SORCS3: variants seen among roughly 807,000 people sequenced by gnomAD.
The protein encoded by SORCS3 is VPS10 domain-containing receptor SorCS3.
In SORCS3, 57 loss-of-function variants were observed where a neutral mutation model predicts 146.3. The ratio of observed to expected loss-of-function variants is 0.39; its 90% CI spans 0.31 to 0.49. The LOEUF (loss-of-function observed/expected upper bound fraction) is 0.49, where lower values mean the gene tolerates loss of function less well. SORCS3 is among the 20% of genes least tolerant of loss of function. The pLI is 0.92. For missense variants in SORCS3, 1,341 were observed against 1,575.5 expected (o/e 0.85, Z 2.52); for synonymous variants, 653 against 618.5 (o/e 1.06, Z -0.83).
At chr10:104,739,665 A>G (rs1565416) in intron 1 of SORCS3, among the ~76,000 whole-genome samples, 121,568 of 152,158 alleles carry the variant, frequency 0.8, 48,816 homozygotes, top group East Asian at 0.94. Flanking sequence ...CTTAAATTGA[A>G]GTCCTCTCCT....
At chr10:104,716,035 G>C (rs1201101896) in intron 1 of SORCS3, among the ~76,000 whole-genome samples, 1 of 152,152 alleles carries the variant, frequency 6.6e-6, no homozygotes, top group Non-Finnish European at 1.5e-5. Context: ...AGCTCTTGCA[G>C]TGGAGTTCCC....
At chr10:105,070,567 G>C (rs899834016) in intron 5 of SORCS3, among the ~76,000 whole-genome samples, 1 of 152,140 alleles carries the variant, frequency 6.6e-6, no homozygotes, top group Non-Finnish European at 1.5e-5. Flanking sequence ...TCTTTCAATG[G>C]AACCAATGTC....
intron 1 of SORCS3, among the ~76,000 whole-genome samples, chr10:104,755,000 AG>A (rs2017031802): frequency 6.6e-6 from 1 of 152,210 alleles, no homozygotes; most frequent in African/African-American, 2.4e-5. Context: ...AAATTAGAAA[AG>A]GTGCAATTGA....
At chr10:105,164,721 C>T (rs1232895625) in intron 12 of SORCS3, among the ~76,000 whole-genome samples, 2 of 152,110 alleles carry the variant, frequency 1.3e-5, no homozygotes, top group Non-Finnish European at 1.5e-5. Context: ...GAGTTCTTGG[C>T]AAGCTGGTCT....
intron 8 of SORCS3, among the ~76,000 whole-genome samples, chr10:105,144,587 G>A (rs77130761): frequency 1.3e-3 from 197 of 152,216 alleles, no homozygotes; most frequent in African/African-American, 4.6e-3. Flanking sequence ...GACATGGAAT[G>A]TTATTTATAA....
At chr10:104,941,088 A>G (rs1448547667) in intron 3 of SORCS3, among the ~76,000 whole-genome samples, 1 of 152,228 alleles carries the variant, frequency 6.6e-6, no homozygotes, top group Non-Finnish European at 1.5e-5. Context: ...ATGCTAATGC[A>G]TTATAATTAG....
At chr10:105,116,841 A>C (rs1970103) in intron 7 of SORCS3, among the ~76,000 whole-genome samples, 73,561 of 151,884 alleles carry the variant, frequency 0.48, 18,354 homozygotes, top group Non-Finnish European at 0.54. Flanking sequence ...CTTTGAGTAC[A>C]TATGGACACA....
chr10:104,973,686 T>C (rs886469810), intron 3 of SORCS3, among the ~76,000 whole-genome samples: 1 of 151,232 alleles, frequency 6.6e-6, no homozygotes, highest in African/African-American at 2.5e-5. Flanking sequence ...TTTTCCTGTC[T>C]CTGTTTCCTT....
chr10:105,079,462 A>G (rs2133732771), intron 5 of SORCS3, among the ~76,000 whole-genome samples: 2 of 152,288 alleles, frequency 1.3e-5, no homozygotes, highest in Admixed American at 1.3e-4. Context: ...AGGAGGAGAA[A>G]GTTTGTGATG....
chr10:104,676,690 G>A (rs1365109063), intron 1 of SORCS3, among the ~76,000 whole-genome samples: 1 of 152,170 alleles, frequency 6.6e-6, no homozygotes, highest in Non-Finnish European at 1.5e-5. Flanking sequence ...AGTAAACAAA[G>A]GGGAAGATTT....
intron 4 of SORCS3, among the ~76,000 whole-genome samples, chr10:105,018,376 G>A (rs2055180295): frequency 6.6e-6 from 1 of 152,118 alleles, no homozygotes; most frequent in African/African-American, 2.4e-5. Context: ...TAATGGCCAA[G>A]GCCACTGCAG....
At chr10:105,122,527 A>G (rs1343387300) in intron 7 of SORCS3, among the ~76,000 whole-genome samples, 1 of 152,196 alleles carries the variant, frequency 6.6e-6, no homozygotes, top group Non-Finnish European at 1.5e-5. Flanking sequence ...TGATTCATTC[A>G]TTCATCCATT....
intron 1 of SORCS3, among the ~76,000 whole-genome samples, chr10:104,685,316 C>T (rs985941281): frequency 6.6e-6 from 1 of 152,102 alleles, no homozygotes; most frequent in Non-Finnish European, 1.5e-5. Context: ...ACTGGTCACC[C>T]TGGGTTGCTT....
chr10:104,820,696 A>T (rs982579852), intron 1 of SORCS3, among the ~76,000 whole-genome samples: 2 of 152,234 alleles, frequency 1.3e-5, no homozygotes, highest in African/African-American at 4.8e-5. Context: ...TCAAAATTAA[A>T]TGTGAACTAT....
chr10:104,915,963 C>T, intron 3 of SORCS3, 31 bp downstream of exon 3: 1 of 1,537,518 alleles, frequency 6.5e-7, no homozygotes, highest in Non-Finnish European at 9.0e-7. Flanking sequence ...GTCCTGAGCA[C>T]TCCTGCTGGG....
intron 6 of SORCS3, among the ~76,000 whole-genome samples, chr10:105,090,426 T>A (rs946157539): frequency 2.6e-5 from 4 of 152,172 alleles, no homozygotes; most frequent in African/African-American, 9.7e-5. Flanking sequence ...TGTACCTTGT[T>A]CAGCTGTGTA....
chr10:104,879,101 G>A (rs1331363689), intron 2 of SORCS3, among the ~76,000 whole-genome samples: 4 of 152,336 alleles, frequency 2.6e-5, no homozygotes, highest in African/African-American at 9.6e-5. Context: ...TGATGGATCA[G>A]CATATGTTAG....
intron 5 of SORCS3, among the ~76,000 whole-genome samples, chr10:105,061,049 A>G (rs953776988): frequency 6.6e-6 from 1 of 152,202 alleles, no homozygotes; most frequent in Admixed American, 6.5e-5. Context: ...ACATCTAGAA[A>G]CTAGAGTTCT....
intron 3 of SORCS3, among the ~76,000 whole-genome samples, chr10:104,965,145 G>C (rs1419118064): frequency 6.6e-6 from 1 of 152,090 alleles, no homozygotes; most frequent in African/African-American, 2.4e-5. Flanking sequence ...TCACCTTTTG[G>C]CTATTGTAAA....
Sources: gnomAD v4.1 joint callset for allele counts (sites outside exome capture counted in the v4.1 genomes callset) on GRCh38, gnomAD v4.1.1 for gene constraint, MANE v1.5 for transcripts, NCBI Gene and HGNC (gene_info 2026-07-23, HGNC 2026-07-21) for gene names.